DSN1: variants seen among roughly 807,000 people sequenced by gnomAD.
DSN1 encodes the protein kinetochore-associated protein DSN1 homolog.
In DSN1, 31 loss-of-function variants were observed where a neutral mutation model predicts 45.7. The ratio of observed to expected loss-of-function variants is 0.68; its 90% confidence interval spans 0.51 to 0.92. DSN1 has a LOEUF of 0.92. Among genes scored for constraint, DSN1 ranks in the 40% least tolerant of loss-of-function variants. DSN1 has a pLI of 0.00. For synonymous variants in DSN1, 134 were observed against 142.3 expected (o/e 0.94, Z 0.41); for missense variants, 394 against 414.2 (o/e 0.95, Z 0.42).
intron 3 of DSN1, among the ~76,000 whole-genome samples, chr20:36,769,349 A>C (rs187091813): frequency 5.3e-4 from 80 of 152,348 alleles, no homozygotes; most frequent in African/African-American, 1.9e-3. Context: ...CTTTCTGCCT[A>C]TAACCAAGGA....
Position 36,752,871 on chromosome 20 carries a change from G to T in DSN1, c.988C>A (p.Pro330Thr), listed in dbSNP as rs752106012. The T allele has an allele frequency of 9.3e-6, 15 of 1,614,032 alleles. No individual in the cohort carries two copies. Among genetic ancestry groups the T allele is most frequent in the Non-Finnish European group, 8.5e-7 (1 of 1,180,014 alleles). ...TTCAACAGTTTTCGAGCTGGTGAGG[G>T]ATCTAATTGTTGCATGCTTCTCTTT... ...LGKRSMQQLD[P>T]SPARKLLKLQ... Residue 330 changes from proline (P) to threonine (T), a missense_variant, in exon 11 of 11, where the codon CCC becomes ACC. Transcript: ENST00000373750.
At chr20:36,766,646 C>CT in intron 5 of DSN1, 123 bp downstream of exon 5, 1 of 837,998 alleles carries the variant, frequency 1.2e-6, no homozygotes, top group Non-Finnish European at 2.0e-6. Context: ...GAGTGAGACT[C>CT]TGTCTAAAAA....
In DSN1 at chr20:36,752,725, G is replaced by C. The variant is rs947651081; in HGVS notation, c.*63C>G. ...CGAGCAGAAATCACGCAGTCACCACGTGCTGGGGCACTCTTCCCATTCCTC... is the reference window on the plus strand; with the variant it reads ...CGAGCAGAAATCACGCAGTCACCACCTGCTGGGGCACTCTTCCCATTCCTC... On this transcript the variant is annotated 3_prime_UTR_variant, in exon 11 of 11. Transcript: ENST00000373750. 7.4e-7 allele frequency: 1 copy of C among 1,358,778 alleles called. No individual in the cohort carries two copies. Among genetic ancestry groups the C allele is most frequent in the African/African-American group, 1.4e-5 (1 of 69,726 alleles). 84.2% of individuals were successfully genotyped at this position (1,358,778 alleles called of 1,614,324 possible).
chr20:36,761,452 C>T (rs1183810330), intron 6 of DSN1, among the ~76,000 whole-genome samples: 4 of 152,218 alleles, frequency 2.6e-5, no homozygotes, highest in East Asian at 3.9e-4. Context: ...ACGCTGAATC[C>T]GCTGGGTGTG....
rs536009444 is a variant in DSN1 at position 36,762,593 on chromosome 20, G to A, written c.503-45C>T. The A allele has an allele frequency of 3.1e-5, 48 of 1,545,540 alleles. 1 individual carries two copies. The South Asian group carries it at 4.3e-4, about 14-fold the overall frequency. On this transcript the variant is annotated intron_variant, in intron 5 of 10. Coordinates refer to ENST00000373750, the MANE Select transcript of DSN1 (RefSeq NM_001145315.2). Reference sequence around the variant, plus strand: ...GTGTCATAAAATAAAGGAAATATACGTTTTCATAGTGAGATGCTGACAAAG... The same window carrying A: ...GTGTCATAAAATAAAGGAAATATACATTTTCATAGTGAGATGCTGACAAAG...
chr20:36,768,475 G>A (rs1037273827), intron 3 of DSN1, among the ~76,000 whole-genome samples: 41 of 152,276 alleles, frequency 2.7e-4, no homozygotes, highest in African/African-American at 8.4e-4. Flanking sequence ...CTCAGGAGGC[G>A]GAGGCTGCAG....
rs564179763 is a variant in DSN1, at chr20:36,761,443, C to T, written c.590+1018G>A. On this transcript the variant is annotated intron_variant, in intron 6 of 10. Coordinates refer to ENST00000373750, the MANE Select transcript of DSN1 (RefSeq NM_001145315.2). ...ATCTAAAAGAGCCTGGTACATAAGA[C>T]GCTGAATCCGCTGGGTGTGGGGGCT... Among the ~76,000 whole-genome samples the T allele has an allele frequency of 6.6e-5, 10 of 152,282 alleles. No homozygotes were observed. The East Asian group carries it at 1.5e-3, about 23-fold the overall frequency.
intron 3 of DSN1, among the ~76,000 whole-genome samples, chr20:36,769,191 A>G (rs777392163): frequency 6.6e-6 from 1 of 152,200 alleles, no homozygotes; most frequent in Non-Finnish European, 1.5e-5. Context: ...AATTATGTCC[A>G]CTTGTAAACA....
chr20:36,757,998 A>G (rs1986768037), intron 8 of DSN1, 89 bp downstream of exon 8: 1 of 1,227,486 alleles, frequency 8.1e-7, no homozygotes, highest in Non-Finnish European at 1.2e-6. Context: ...GAAAGGATTC[A>G]TCTTTCAATT....
intron 5 of DSN1, among the ~76,000 whole-genome samples, chr20:36,765,987 AT>A (rs1228042584): frequency 4.0e-5 from 6 of 150,834 alleles, no homozygotes; most frequent in Non-Finnish European, 8.9e-5. Flanking sequence ...AAGGTCAGGA[AT>A]TAGAAACCAG....
chr20:36,762,510 C>T lies in DSN1; in HGVS notation c.541G>A (p.Gly181Arg), dbSNP rs1178007490. 10 of 1,613,682 alleles carry T rather than the reference C, an allele frequency of 6.2e-6. No individual in the cohort carries two copies. The East Asian group carries it at 6.7e-5, about 11-fold the overall frequency. ...LSEELKHFAD[G>R]LETDGTLQKC... is the part of the protein sequence containing the mutation. Reference sequence around the variant, plus strand: ...TGTAGAGTTCCATCAGTTTCCAGTCCGTCTGCAAAATGTTTCAATTCTTCA... The same window carrying T: ...TGTAGAGTTCCATCAGTTTCCAGTCTGTCTGCAAAATGTTTCAATTCTTCA... Residue 181 changes from glycine (G) to arginine (R), a missense_variant, in exon 6 of 11, where the codon GGA (glycine) becomes AGA (arginine). Physicochemically the swap from Gly to Arg is moderately radical, Grantham distance 125 (BLOSUM62 -2). Coordinates refer to ENST00000373750, the MANE Select transcript of DSN1 (RefSeq NM_001145315.2).
Position 36,754,837 on chromosome 20 carries a change from T to G in DSN1, c.887A>C (p.Gln296Pro). 1 of 1,613,850 alleles carries G rather than the reference T, an allele frequency of 6.2e-7. No homozygotes were observed. Among genetic ancestry groups the G allele is most frequent in the Middle Eastern group, 1.7e-4 (1 of 6,048 alleles). The change falls in exon 10 of 11, where the codon CAA becomes CCA. Residue 296 changes from glutamine (Q) to proline (P), a missense_variant. Physicochemically the swap from Gln to Pro is moderately conservative, Grantham distance 76. Transcript: ENST00000373750. ...DCMELVMDEL[Q>P]GSVKQLQAFM... ...GGCCTGCAGCTGTTTCACTGATCCT[T>G]GCAGTTCATCCATCTGTAGAAAAAA...
At position 36,773,701 on chromosome 20, in the gene DSN1, G is replaced by C. The variant is rs1418695068; in HGVS notation, c.-55C>G. ...CACGGGTCGCTCTCCACAGCCCCAGGTCACTCCTGGACGCCTTGCGCACCC... is the reference window on the plus strand; with the variant it reads ...CACGGGTCGCTCTCCACAGCCCCAGCTCACTCCTGGACGCCTTGCGCACCC... On this transcript the variant is annotated 5_prime_UTR_variant, in exon 1 of 11. Transcript: ENST00000373750. 3 of 985,566 alleles carry C rather than the reference G, an allele frequency of 3.0e-6. No individual in the cohort carries two copies. Among genetic ancestry groups the C allele is most frequent in the Non-Finnish European group, 2.4e-6 (2 of 830,102 alleles). The allele number at this position is 985,566 out of a possible 1,614,324, so 61.1% of individuals were successfully genotyped here.
chr20:36,767,881 G>A (rs1437527428), intron 4 of DSN1, 88 bp downstream of exon 4: 2 of 1,340,472 alleles, frequency 1.5e-6, no homozygotes, highest in East Asian at 2.3e-5. Flanking sequence ...CAGCCTGGGT[G>A]ACAGAGTCAG....
In DSN1 at chr20:36,752,343, T is replaced by G. The variant is rs532605300; in HGVS notation, c.*445A>C. ...TGCTAGGATTACAGGCGTGAGCCATTGCGCCCAGCCTCAAAACTCTTCTAC... is the reference window on the plus strand; with the variant it reads ...TGCTAGGATTACAGGCGTGAGCCATGGCGCCCAGCCTCAAAACTCTTCTAC... On this transcript the variant is annotated 3_prime_UTR_variant, in exon 11 of 11. Transcript: ENST00000373750. The G allele has an allele frequency of 6.5e-6, 1 of 153,832 alleles. No homozygotes were observed. Among genetic ancestry groups the G allele is most frequent in the Non-Finnish European group, 1.4e-5 (1 of 69,148 alleles). 9.5% of individuals were successfully genotyped at this position (153,832 alleles called of 1,614,324 possible).
chr20:36,759,626 G>C (rs1163389008), intron 6 of DSN1, among the ~76,000 whole-genome samples: 1 of 151,698 alleles, frequency 6.6e-6, no homozygotes, highest in East Asian at 2.0e-4. Context: ...TGGGACTACA[G>C]GCGCCCGCCA....
chr20:36,768,487 G>A (rs1987470998), intron 3 of DSN1, among the ~76,000 whole-genome samples: 1 of 152,190 alleles, frequency 6.6e-6, no homozygotes, highest in African/African-American at 2.4e-5. Context: ...AGGCTGCAGT[G>A]AGCCAAGAGG....
chr20:36,755,536 T>A lies in DSN1; in HGVS notation c.873+146A>T. 6 of 955,360 alleles carry A rather than the reference T, an allele frequency of 6.3e-6. No individual in the cohort carries two copies. In the South Asian group the frequency reaches 9.6e-5, roughly 15 times the overall value. The allele number at this position is 955,360 out of a possible 1,614,324, so 59.2% of individuals were successfully genotyped here. ...TATATATTCATTTGTTTATTATTTT[T>A]TAATTGTCTCTCCATGTTTTCCTAA... On this transcript the variant is annotated intron_variant, in intron 9 of 10. Transcript: ENST00000373750.
chr20:36,762,407 G>A lies in DSN1; in HGVS notation c.590+54C>T, dbSNP rs925712472. On this transcript the variant is annotated intron_variant, in intron 6 of 10. Transcript: ENST00000373750. ...TTACAGGCCTGAGCCACCAACGCCC[G>A]GCCTAAAGTCCTAATTCAATCATAA... The A allele has an allele frequency of 3.2e-5, 49 of 1,539,794 alleles. 1 individual carries two copies. The highest frequency in any genetic ancestry group is 1.6e-4 in the Admixed American group (9 of 55,564).
Sources: allele counts gnomAD v4.1 joint callset (sites outside exome capture counted in the v4.1 genomes callset), GRCh38; gene constraint gnomAD v4.1.1; transcripts MANE v1.5; gene names NCBI Gene and HGNC (gene_info 2026-07-23, HGNC 2026-07-21).